IL1RAPL1: variants seen among roughly 807,000 people sequenced by gnomAD.
The protein encoded by IL1RAPL1 is interleukin 1 receptor accessory protein like 1.
A neutral mutation model predicts 48.4 loss-of-function variants in IL1RAPL1; 3 were observed. The ratio of observed to expected loss-of-function variants is 0.06; its 90% CI spans 0.03 to 0.16. The LOEUF (loss-of-function observed/expected upper bound fraction) is 0.16. IL1RAPL1 is among the 10% of genes least tolerant of loss of function. IL1RAPL1 has a pLI of 1.00. For missense variants in IL1RAPL1, 349 were observed against 530.6 expected (o/e 0.66, Z 3.36); for synonymous variants, 185 against 187.7 (o/e 0.99, Z 0.12).
chrX:28,609,550 T>C lies in IL1RAPL1; in HGVS notation c.-25+21503T>C, dbSNP rs186837196. On this transcript the variant is annotated intron_variant, in intron 1 of 10. Transcript: ENST00000378993. ...GCCTGGCAGGCATTTTTTTTTTTTT[T>C]ACAATCAGATTCAACAGAGTTCTTT... Among the ~76,000 whole-genome samples the C allele has an allele frequency of 9.5e-3, 1,024 of 107,893 alleles. 2 individuals carry two copies. The highest frequency in any genetic ancestry group is 0.016 in the Non-Finnish European group (811 of 52,149). 93.7% of individuals were successfully genotyped at this position (107,893 alleles called of 115,157 possible).
At chrX:28,839,243 C>G (rs936330590) in intron 2 of IL1RAPL1, among the ~76,000 whole-genome samples, 42 of 111,190 alleles carry the variant, frequency 3.8e-4, no homozygotes, top group African/African-American at 1.3e-3. Flanking sequence ...AGTAATATCT[C>G]TAACATTGAA....
intron 1 of IL1RAPL1, among the ~76,000 whole-genome samples, chrX:28,592,055 T>C (rs977479812): frequency 9.0e-6 from 1 of 111,729 alleles, no homozygotes; most frequent in African/African-American, 3.3e-5. Flanking sequence ...CTGTACATAA[T>C]ACTGTTCAGT....
intron 6 of IL1RAPL1, among the ~76,000 whole-genome samples, chrX:29,702,239 G>T (rs1332818181): frequency 9.5e-6 from 1 of 105,314 alleles, no homozygotes; most frequent in Admixed American, 1.0e-4. Context: ...CGGCAACAGG[G>T]CGAGACTCTG....
intron 6 of IL1RAPL1, among the ~76,000 whole-genome samples, chrX:29,813,396 C>T (rs184054308): frequency 9.0e-6 from 1 of 110,570 alleles, no homozygotes; most frequent in African/African-American, 3.3e-5. Context: ...TAGCCAAATG[C>T]CAAGATTCTG....
intron 6 of IL1RAPL1, among the ~76,000 whole-genome samples, chrX:29,885,317 C>G (rs1209985993): frequency 8.9e-6 from 1 of 112,081 alleles, no homozygotes; most frequent in African/African-American, 3.2e-5. Flanking sequence ...TACCTTTTCT[C>G]CTTTCCCCAT....
intron 1 of IL1RAPL1, among the ~76,000 whole-genome samples, chrX:28,589,298 GA>G (rs1204226924): frequency 9.0e-6 from 1 of 111,479 alleles, no homozygotes; most frequent in Admixed American, 9.6e-5. Context: ...ATAGTGAGAT[GA>G]GATGATTGTA....
intron 3 of IL1RAPL1, among the ~76,000 whole-genome samples, chrX:29,360,978 A>G (rs1305229109): frequency 1.8e-5 from 2 of 112,017 alleles, no homozygotes; most frequent in Non-Finnish European, 3.8e-5. Context: ...TATTAAATAT[A>G]TGTAAATAAT....
At chrX:29,875,004 G>A (rs749404110) in intron 6 of IL1RAPL1, among the ~76,000 whole-genome samples, 4 of 111,363 alleles carry the variant, frequency 3.6e-5, no homozygotes, top group South Asian at 7.5e-4. Flanking sequence ...AAATTGGAGC[G>A]GTGGATACAA....
At chrX:29,652,694 C>T (rs1925556391) in intron 5 of IL1RAPL1, among the ~76,000 whole-genome samples, 1 of 111,508 alleles carries the variant, frequency 9.0e-6, no homozygotes, top group Admixed American at 9.6e-5. Flanking sequence ...AAAATGTGAG[C>T]AAGCCCAGCC....
chrX:28,815,097 A>C (rs1936847153), intron 2 of IL1RAPL1, among the ~76,000 whole-genome samples: 1 of 109,939 alleles, frequency 9.1e-6, no homozygotes, highest in African/African-American at 3.3e-5. Context: ...AATAAAAACA[A>C]AATACTTTAC....
intron 2 of IL1RAPL1, among the ~76,000 whole-genome samples, chrX:28,925,858 T>C (rs1256984585): frequency 9.0e-6 from 1 of 111,405 alleles, no homozygotes; most frequent in South Asian, 3.8e-4. Flanking sequence ...GAGTCGGAGG[T>C]TGCAGTGAGC....
At position 29,955,793 on chromosome X, in the gene IL1RAPL1, G is replaced by T; in HGVS notation, c.2064G>T (p.Glu688Asp). The T allele has an allele frequency of 8.3e-7, 1 of 1,210,075 alleles. No individual in the cohort carries two copies. Among genetic ancestry groups the T allele is most frequent in the Non-Finnish European group, 1.1e-6 (1 of 894,273 alleles). ...NSAILPLLPR[E>D]TSISSVIW ...CCATCCTGCCGCTGTTGCCAAGGGA[G>T]ACCAGTATATCCAGTGTGATATGGT... is the stretch of plus-strand genomic sequence containing the variant. Residue 688 changes from glutamate (E) to aspartate (D), a missense_variant, in exon 11 of 11, where the codon GAG (glutamate) becomes GAT (aspartate). Transcript: ENST00000378993.
At chrX:29,078,477 T>C (rs1927731222) in intron 2 of IL1RAPL1, among the ~76,000 whole-genome samples, 1 of 111,901 alleles carries the variant, frequency 8.9e-6, no homozygotes. Flanking sequence ...CAGATAAATT[T>C]GGTTACCCAG....
intron 2 of IL1RAPL1, among the ~76,000 whole-genome samples, chrX:28,826,935 G>A (rs1220094844): frequency 9.0e-6 from 1 of 110,831 alleles, no homozygotes; most frequent in Non-Finnish European, 1.9e-5. Flanking sequence ...TTCAGAGGCA[G>A]CCCAATTATA....
At chrX:28,792,230 A>G (rs192928917) in intron 2 of IL1RAPL1, among the ~76,000 whole-genome samples, 1 of 111,530 alleles carries the variant, frequency 9.0e-6, no homozygotes, top group East Asian at 2.8e-4. Flanking sequence ...CCACTAGAAA[A>G]CCAGAACTAG....
intron 2 of IL1RAPL1, among the ~76,000 whole-genome samples, chrX:28,862,526 G>C (rs1346366428): frequency 1.8e-5 from 2 of 111,472 alleles, no homozygotes; most frequent in Non-Finnish European, 3.8e-5. Flanking sequence ...GTGCCAAAAC[G>C]TTCATAGAGG....
chrX:28,618,542 A>G (rs912957471), intron 1 of IL1RAPL1, among the ~76,000 whole-genome samples: 1 of 112,085 alleles, frequency 8.9e-6, no homozygotes, highest in Admixed American at 9.5e-5. Flanking sequence ...TTGCTCTAAC[A>G]TGACTTTGGT....
intron 7 of IL1RAPL1, among the ~76,000 whole-genome samples, chrX:29,917,841 G>A (rs1052436158): frequency 3.7e-5 from 4 of 108,810 alleles, no homozygotes; most frequent in Admixed American, 2.0e-4. Flanking sequence ...TACTGAGTGC[G>A]GCTGGGGGTG....
rs373158718 is a variant in IL1RAPL1 at position 29,081,014 on chromosome X, C to T, written c.83-201924C>T. Among the ~76,000 whole-genome samples, 389 of 67,398 alleles carry T rather than the reference C, an allele frequency of 5.8e-3. 4 individuals are homozygous for T. The highest frequency in any genetic ancestry group is 0.011 in the South Asian group (12 of 1,086). The allele number at this position is 67,398 out of a possible 115,157, so 58.5% of individuals were successfully genotyped here. A position where few individuals can be genotyped will look rare whatever the true frequency, so the allele number is the denominator to read the frequency against. Reference sequence around the variant, plus strand: ...TTTCTTTCTCTCTCTCTCTCTCTCTCTCTCTCTTTCTTTTCTTTTCTTTTC... The same window carrying T: ...TTTCTTTCTCTCTCTCTCTCTCTCTTTCTCTCTTTCTTTTCTTTTCTTTTC... On this transcript the variant is annotated intron_variant, in intron 2 of 10. Transcript: ENST00000378993.
Sources: gnomAD v4.1 joint callset for allele counts (sites outside exome capture counted in the v4.1 genomes callset) on GRCh38, gnomAD v4.1.1 for gene constraint, MANE v1.5 for transcripts, NCBI Gene and HGNC (gene_info 2026-07-23, HGNC 2026-07-21) for gene names.